Variants in HLCS observed in about 807,000 individuals in gnomAD.
The protein encoded by HLCS is biotin--protein ligase.
HLCS carries 53 observed loss-of-function variants against 75.0 expected under a neutral mutation model. The observed-to-expected ratio is 0.71, with a 90% confidence interval of 0.57 to 0.89. HLCS has a LOEUF of 0.89. Among genes scored for constraint, HLCS ranks in the 40% least tolerant of loss-of-function variants. The probability of loss-of-function intolerance (pLI) is 0.00; values close to 1 mark genes in which losing one functional copy is unlikely to be tolerated. For missense variants in HLCS, 966 were observed against 1,074.0 expected, an observed-to-expected ratio of 0.90 and a Z score of 1.41; for synonymous variants, 431 against 428.6, an observed-to-expected ratio of 1.01 and a Z score of -0.07.
rs891542104 is a variant in HLCS at position 36,753,303 on chromosome 21, T to C, written c.*943A>G. The C allele has an allele frequency of 6.6e-6, 1 of 152,366 alleles. No individual in the cohort carries two copies. Among genetic ancestry groups the C allele is most frequent in the Admixed American group, 6.5e-5 (1 of 15,286 alleles). The allele number at this position is 152,366 out of a possible 1,614,324, so 9.4% of individuals were successfully genotyped here. On this transcript the variant is annotated 3_prime_UTR_variant, in exon 11 of 11. Transcript: ENST00000674895. The surrounding 1 kb of genome is among the most constrained non-coding windows in gnomAD (Gnocchi z 4.3). The stretch of plus-strand genomic sequence containing the variant: ...CTTCTGAGTAAAATGCCATGTCTTC[T>C]ATATTCCGTGAGCTGCACAGTCTTG...
At chr21:36,869,017 G>C (rs1285989179) in intron 6 of HLCS, among the ~76,000 whole-genome samples, 1 of 151,024 alleles carries the variant, frequency 6.6e-6, no homozygotes, top group Non-Finnish European at 1.5e-5. Context: ...TCGCATTCAA[G>C]TCTCAGCTGG....
At chr21:36,921,859 G>C (rs935090343) in intron 5 of HLCS, among the ~76,000 whole-genome samples, 1 of 152,086 alleles carries the variant, frequency 6.6e-6, no homozygotes, top group African/African-American at 2.4e-5. Context: ...CCTTTTACCA[G>C]AAATCTCCAG....
chr21:36,851,624 A>G (rs927398763), intron 6 of HLCS, among the ~76,000 whole-genome samples: 1 of 152,230 alleles, frequency 6.6e-6, no homozygotes, highest in Admixed American at 6.5e-5. Context: ...CAACAGGGTG[A>G]CTACAGTAAA....
intron 5 of HLCS, among the ~76,000 whole-genome samples, chr21:36,919,765 T>G (rs1252077142): frequency 6.6e-6 from 1 of 152,198 alleles, no homozygotes; most frequent in African/African-American, 2.4e-5. Flanking sequence ...ATAAAGCAGA[T>G]AGCAAAACAT....
At chr21:36,983,008 TG>T (rs1483121367) in intron 1 of HLCS, among the ~76,000 whole-genome samples, 1 of 151,234 alleles carries the variant, frequency 6.6e-6, no homozygotes, top group African/African-American at 2.4e-5. Context: ...CACTACAGCC[TG>T]GGCGACACAG....
chr21:36,766,880 T>C (rs2090056249), intron 7 of HLCS, among the ~76,000 whole-genome samples: 1 of 152,124 alleles, frequency 6.6e-6, no homozygotes, highest in Admixed American at 6.5e-5. Context: ...AGGCTCCTTA[T>C]GGAGAACCTT....
chr21:36,969,479 G>A (rs1277129383), upstream of HLCS: 1 of 152,002 alleles, frequency 6.6e-6, no homozygotes, highest in East Asian at 1.9e-4. Flanking sequence ...AGTTAGAGAA[G>A]CACTGCTAAC....
chr21:36,886,883 T>C (rs1210173351), intron 6 of HLCS, among the ~76,000 whole-genome samples: 1 of 152,022 alleles, frequency 6.6e-6, no homozygotes, highest in African/African-American at 2.4e-5. Flanking sequence ...TCCCAGCACT[T>C]TGAAAGGCCG....
At chr21:36,758,660 G>A (rs1033771205) in intron 9 of HLCS, among the ~76,000 whole-genome samples, 2 of 152,084 alleles carry the variant, frequency 1.3e-5, no homozygotes, top group Non-Finnish European at 2.9e-5. Flanking sequence ...AGGAATCTCT[G>A]CATCAACTGC....
intron 5 of HLCS, among the ~76,000 whole-genome samples, chr21:36,911,926 C>T (rs1435350298): frequency 6.6e-6 from 1 of 151,696 alleles, no homozygotes; most frequent in African/African-American, 2.4e-5. Flanking sequence ...CAAAAATTAG[C>T]CAGGCGTGGT....
At chr21:36,967,956 G>A (rs2068675516), upstream of HLCS, among the ~76,000 whole-genome samples, 1 of 152,098 alleles carries the variant, frequency 6.6e-6, no homozygotes, top group Admixed American at 6.6e-5. Context: ...CTGACCTCAG[G>A]TGATCCACCC....
chr21:36,989,863 G>T (rs968953807), intron 1 of HLCS, among the ~76,000 whole-genome samples: 26 of 152,006 alleles, frequency 1.7e-4, no homozygotes, highest in African/African-American at 6.3e-4. Context: ...CCGCGCGTGC[G>T]CACTGACAGC....
chr21:36,775,174 G>C (rs2060318508), intron 6 of HLCS, among the ~76,000 whole-genome samples: 1 of 152,174 alleles, frequency 6.6e-6, no homozygotes, highest in Non-Finnish European at 1.5e-5. Flanking sequence ...GTAGCTCCTG[G>C]CATACCTGCC....
chr21:36,942,380 C>T (rs1348032528), intron 2 of HLCS, among the ~76,000 whole-genome samples: 1 of 116,360 alleles, frequency 8.6e-6, no homozygotes, highest in African/African-American at 3.5e-5. Context: ...GCCTGGGCGA[C>T]AGAGCAAGAC....
At chr21:36,830,443 AAT>A (rs1383725068) in intron 6 of HLCS, among the ~76,000 whole-genome samples, 3 of 152,148 alleles carry the variant, frequency 2.0e-5, no homozygotes, top group African/African-American at 7.2e-5. Context: ...TTCTTGTCAG[AAT>A]ATATCTTTCT....
chr21:36,879,716 T>G (rs1307787065), intron 6 of HLCS, among the ~76,000 whole-genome samples: 2 of 151,816 alleles, frequency 1.3e-5, no homozygotes, highest in Non-Finnish European at 2.9e-5. Flanking sequence ...AAAACCAGCC[T>G]TGGGCAAAAA....
chr21:36,939,082 T>G, intron 2 of HLCS, 88 bp from the exon 3 acceptor site: 2 of 1,213,416 alleles, frequency 1.6e-6, no homozygotes, highest in Non-Finnish European at 1.1e-6. Flanking sequence ...ATTTTTCCCT[T>G]GAGGCTCCTA....
At chr21:36,945,410 CCAT>C (rs2035904682) in intron 2 of HLCS, among the ~76,000 whole-genome samples, 1 of 152,116 alleles carries the variant, frequency 6.6e-6, no homozygotes, top group African/African-American at 2.4e-5. Flanking sequence ...ACCCAAATGT[CCAT>C]CAACAGATGA....
At chr21:36,932,698 T>A (rs1048115462) in intron 4 of HLCS, among the ~76,000 whole-genome samples, 5 of 152,194 alleles carry the variant, frequency 3.3e-5, no homozygotes, top group Admixed American at 6.5e-5. Flanking sequence ...GCCTACTGTA[T>A]GCAAAGCTTC....
Sources: allele counts gnomAD v4.1 joint callset (sites outside exome capture counted in the v4.1 genomes callset), GRCh38; gene constraint gnomAD v4.1.1; non-coding constraint Gnocchi (gnomAD v3.1); transcripts MANE v1.5; gene names NCBI Gene and HGNC (gene_info 2026-07-23, HGNC 2026-07-21).